The following ARHGAP15 variants were observed in gnomAD, a reference collection of about 807,000 sequenced individuals.
ARHGAP15 encodes rho GTPase-activating protein 15.
ARHGAP15 carries 51 observed loss-of-function variants against 63.7 expected under a neutral mutation model. That is an observed-to-expected ratio of 0.80 (90% CI 0.64 to 1.01). The LOEUF (loss-of-function observed/expected upper bound fraction) is 1.01, where lower values mean the gene tolerates loss of function less well. ARHGAP15 is among the 50% of genes least tolerant of loss of function. ARHGAP15 has a pLI of 0.00. For missense variants in ARHGAP15, 560 were observed against 564.6 expected (o/e 0.99, Z 0.08); for synonymous variants, 191 against 193.8 (o/e 0.99, Z 0.12).
At chr2:143,145,489 T>G (rs1421938481) in intron 1 of ARHGAP15, among the ~76,000 whole-genome samples, 1 of 152,010 alleles carries the variant, frequency 6.6e-6, no homozygotes, top group Non-Finnish European at 1.5e-5. Context: ...CCTGAACAAA[T>G]AGCCGGAATT....
At chr2:143,360,103 G>A (rs1343625676) in intron 6 of ARHGAP15, among the ~76,000 whole-genome samples, 1 of 152,016 alleles carries the variant, frequency 6.6e-6, no homozygotes, top group African/African-American at 2.4e-5. Context: ...CAGAAGGCCA[G>A]ACTGGTGGCT....
intron 6 of ARHGAP15, among the ~76,000 whole-genome samples, chr2:143,361,384 G>A (rs1686046958): frequency 2.0e-5 from 3 of 152,194 alleles, no homozygotes; most frequent in South Asian, 4.1e-4. Context: ...TATTAATTAA[G>A]AGAGACCTCT....
At chr2:143,274,645 C>G (rs151227728) in intron 6 of ARHGAP15, among the ~76,000 whole-genome samples, 7 of 152,168 alleles carry the variant, frequency 4.6e-5, no homozygotes, top group African/African-American at 1.7e-4. Flanking sequence ...TAATAACTGT[C>G]TCATGTTACC....
intron 6 of ARHGAP15, among the ~76,000 whole-genome samples, chr2:143,284,354 A>G (rs1201180374): frequency 6.6e-6 from 1 of 152,212 alleles, no homozygotes; most frequent in African/African-American, 2.4e-5. Flanking sequence ...TGTAAATGTC[A>G]ATTTTATAGT....
intron 9 of ARHGAP15, among the ~76,000 whole-genome samples, chr2:143,490,129 AGCTGGGACTACAG>A (rs1475285423): frequency 6.6e-6 from 1 of 151,960 alleles, no homozygotes; most frequent in Non-Finnish European, 1.5e-5. Context: ...CCTCCCGAGT[AGCTGGGACTACAG>A]GTGCCCGCCA....
chr2:143,678,933 A>G (rs1411373725), intron 12 of ARHGAP15, among the ~76,000 whole-genome samples: 1 of 152,188 alleles, frequency 6.6e-6, no homozygotes, highest in Non-Finnish European at 1.5e-5. Flanking sequence ...AGTGTTACTT[A>G]TGGTTTTTTA....
chr2:143,617,584 T>C (rs988794966), intron 11 of ARHGAP15, among the ~76,000 whole-genome samples: 11 of 152,158 alleles, frequency 7.2e-5, no homozygotes, highest in African/African-American at 2.7e-4. Flanking sequence ...CATTTTACCA[T>C]AATTACCTCT....
intron 11 of ARHGAP15, among the ~76,000 whole-genome samples, chr2:143,567,096 C>G (rs983235630): frequency 3.3e-5 from 5 of 152,024 alleles, no homozygotes; most frequent in Non-Finnish European, 7.4e-5. Context: ...AGGATGGTCT[C>G]GATCTCCTGA....
chr2:143,494,460 C>G (rs538953355), intron 9 of ARHGAP15, among the ~76,000 whole-genome samples: 1 of 152,056 alleles, frequency 6.6e-6, no homozygotes, highest in Non-Finnish European at 1.5e-5. Flanking sequence ...AATAAATATT[C>G]GGTAATTGAA....
At chr2:143,719,048 T>C (rs1684931979) in intron 13 of ARHGAP15, among the ~76,000 whole-genome samples, 1 of 152,188 alleles carries the variant, frequency 6.6e-6, no homozygotes, top group African/African-American at 2.4e-5. Flanking sequence ...ACCCCTTCTC[T>C]TCTTTCTCAT....
At chr2:143,252,456 G>A (rs1304748964) in intron 6 of ARHGAP15, among the ~76,000 whole-genome samples, 1 of 151,940 alleles carries the variant, frequency 6.6e-6, no homozygotes, top group Non-Finnish European at 1.5e-5. Flanking sequence ...GCTTTCTGAA[G>A]GTGAAAATTT....
chr2:143,492,292 T>G (rs74339271), intron 9 of ARHGAP15, among the ~76,000 whole-genome samples: 1 of 152,070 alleles, frequency 6.6e-6, no homozygotes, highest in Non-Finnish European at 1.5e-5. Flanking sequence ...ACTTAAGTTT[T>G]GTTAACCCTA....
At position 143,332,739 on chromosome 2, in the gene ARHGAP15, A is replaced by G. The variant is rs367564135; in HGVS notation, c.474+82139A>G. Reference sequence around the variant, plus strand: ...AAGAAGAGCTCTGAGTGGGATGCAGATACATAACACTTCAAAACAGTTCCT... The same window carrying G: ...AAGAAGAGCTCTGAGTGGGATGCAGGTACATAACACTTCAAAACAGTTCCT... On this transcript the variant is annotated intron_variant, in intron 6 of 13. Coordinates refer to ENST00000295095, the MANE Select transcript of ARHGAP15 (RefSeq NM_018460.4). 1.4e-4 allele frequency among the ~76,000 whole-genome samples: 21 copies of G among 152,296 alleles called. No individual in the cohort carries two copies. The East Asian group carries it at 3.3e-3, about 24-fold the overall frequency.
chr2:143,278,803 G>A (rs905310176), intron 6 of ARHGAP15, among the ~76,000 whole-genome samples: 2 of 151,340 alleles, frequency 1.3e-5, no homozygotes, highest in Non-Finnish European at 2.9e-5. Context: ...GAAATTCATA[G>A]TCACATTTTG....
At chr2:143,632,720 G>GT (rs1490031482) in intron 12 of ARHGAP15, among the ~76,000 whole-genome samples, 3 of 152,020 alleles carry the variant, frequency 2.0e-5, no homozygotes, top group Admixed American at 1.3e-4. Context: ...TGTTCTAATG[G>GT]TTTTTCCCCC....
intron 6 of ARHGAP15, among the ~76,000 whole-genome samples, chr2:143,274,221 G>A (rs1681434640): frequency 6.6e-6 from 1 of 151,992 alleles, no homozygotes; most frequent in Admixed American, 6.6e-5. Flanking sequence ...TGTTATCTGG[G>A]CCTTAGTGAC....
intron 2 of ARHGAP15, among the ~76,000 whole-genome samples, chr2:143,157,660 A>T (rs921143438): frequency 1.3e-5 from 2 of 150,904 alleles, no homozygotes; most frequent in Middle Eastern, 3.2e-3. Flanking sequence ...TGGCTCAGAG[A>T]TACTGTATTG....
intron 6 of ARHGAP15, among the ~76,000 whole-genome samples, chr2:143,302,217 A>G (rs1032087720): frequency 6.6e-6 from 1 of 151,786 alleles, no homozygotes; most frequent in African/African-American, 2.4e-5. Context: ...ATATCCATCA[A>G]TTTCTTCCTC....
At chr2:143,629,823 TATGAGA>T (rs138241306) in intron 12 of ARHGAP15, among the ~76,000 whole-genome samples, 4 of 152,292 alleles carry the variant, frequency 2.6e-5, no homozygotes, top group African/African-American at 7.2e-5. Flanking sequence ...AAGTAGTTAC[TATGAGA>T]ATGAGAATAG....
Sources: gnomAD v4.1 joint callset for allele counts (sites outside exome capture counted in the v4.1 genomes callset) on GRCh38, gnomAD v4.1.1 for gene constraint, MANE v1.5 for transcripts, NCBI Gene and HGNC (gene_info 2026-07-23, HGNC 2026-07-21) for gene names.